The following DPYSL2 variants were observed in gnomAD, a reference collection of about 807,000 sequenced individuals.
The protein encoded by DPYSL2 is dihydropyrimidinase-related protein 2.
A neutral mutation model predicts 69.9 loss-of-function variants in DPYSL2; 13 were observed. The ratio of observed to expected loss-of-function variants is 0.19; its 90% CI spans 0.12 to 0.30. The LOEUF (loss-of-function observed/expected upper bound fraction) is 0.30. Ranked by LOEUF, DPYSL2 falls within the 10% of genes least tolerant of loss-of-function variation. DPYSL2 has a pLI of 1.00. For missense variants in DPYSL2, 587 were observed against 918.9 expected (o/e 0.64, Z 4.67); for synonymous variants, 326 against 359.1 (o/e 0.91, Z 1.04).
In DPYSL2 at chr8:26,517,902, G is replaced by A. The variant is rs973887618; in HGVS notation, c.354+3223G>A. Among the ~76,000 whole-genome samples, 4 of 152,114 alleles carry A rather than the reference G, an allele frequency of 2.6e-5. No homozygotes were observed. The highest frequency in any genetic ancestry group is 2.6e-4 in the Admixed American group (4 of 15,276). On this transcript the variant is annotated intron_variant, in intron 1 of 13. Transcript: ENST00000521913. This position sits in a 1 kb window ranked among gnomAD's most constrained non-coding sequence, Gnocchi z 4.2. The stretch of plus-strand genomic sequence containing the variant: ...CTTCTGCCTGTGTTGAATCTCTTCT[G>A]GCCCTGGGAGCCCAGTGCTGTGCTG...
At chr8:26,515,630 C>G (rs1351645313) in intron 1 of DPYSL2, among the ~76,000 whole-genome samples, 1 of 152,230 alleles carries the variant, frequency 6.6e-6, no homozygotes, top group Non-Finnish European at 1.5e-5. Context: ...GTAATAATCT[C>G]ACACCACAAT....
chr8:26,576,096 C>T (rs548941301), intron 1 of DPYSL2, among the ~76,000 whole-genome samples: 1 of 152,330 alleles, frequency 6.6e-6, no homozygotes, highest in African/African-American at 2.4e-5. Flanking sequence ...TTCAGATGCA[C>T]AGCTAAATTG....
chr8:26,534,291 C>T (rs1800557765), intron 1 of DPYSL2, among the ~76,000 whole-genome samples: 2 of 152,150 alleles, frequency 1.3e-5, no homozygotes, highest in African/African-American at 4.8e-5. Context: ...AGTGATCCTC[C>T]CACCTTGGCC....
At chr8:26,576,479 C>T (rs983290006) in intron 1 of DPYSL2, among the ~76,000 whole-genome samples, 2 of 152,012 alleles carry the variant, frequency 1.3e-5, no homozygotes, top group African/African-American at 4.8e-5. Flanking sequence ...ATTGTACCTG[C>T]CAGGGCAACC....
chr8:26,524,133 A>T lies in DPYSL2; in HGVS notation c.354+9454A>T, dbSNP rs11985336. On this transcript the variant is annotated intron_variant, in intron 1 of 13. Transcript: ENST00000521913. ...GTGGTTATACCATTTGACATTCCCA[A>T]CAACAGTTCCCAAGGTTTCCAGTGT... Among the ~76,000 whole-genome samples, 480 of 152,332 alleles carry T rather than the reference A, an allele frequency of 3.2e-3. 2 individuals carry two copies. The highest frequency in any genetic ancestry group is 0.011 in the African/African-American group (451 of 41,574).
intron 8 of DPYSL2, among the ~76,000 whole-genome samples, chr8:26,635,933 G>C (rs554640548): frequency 2.2e-4 from 33 of 152,160 alleles, no homozygotes; most frequent in Non-Finnish European, 4.4e-4. Flanking sequence ...ATGGATCAAG[G>C]TGGGCTGTGG....
chr8:26,578,563 T>C (rs1801412729), intron 1 of DPYSL2: 1 of 1,366,416 alleles, frequency 7.3e-7, no homozygotes. Flanking sequence ...CTATCTTTTA[T>C]TGTCAGTGAG....
chr8:26,559,545 TA>T (rs1258168659), intron 1 of DPYSL2, among the ~76,000 whole-genome samples: 1 of 152,218 alleles, frequency 6.6e-6, no homozygotes, highest in African/African-American at 2.4e-5. Context: ...TTAGTAAAGT[TA>T]AACATATTTT....
intron 1 of DPYSL2, among the ~76,000 whole-genome samples, chr8:26,546,531 A>T (rs572550352): frequency 1.2e-3 from 180 of 152,312 alleles, no homozygotes; most frequent in Non-Finnish European, 2.1e-3. Context: ...TATACACATA[A>T]TTGTATGTAA....
At chr8:26,569,538 CTT>C (rs1801206452) in intron 1 of DPYSL2, among the ~76,000 whole-genome samples, 1 of 152,144 alleles carries the variant, frequency 6.6e-6, no homozygotes, top group African/African-American at 2.4e-5. Flanking sequence ...TCATTTAACT[CTT>C]GTTTGTTGAG....
chr8:26,644,198 C>T lies in DPYSL2; in HGVS notation c.1425+107C>T. 1 of 1,377,168 alleles carries T rather than the reference C, an allele frequency of 7.3e-7. No homozygotes were observed. The highest frequency in any genetic ancestry group is 9.8e-7 in the Non-Finnish European group (1 of 1,021,796). The allele number at this position is 1,377,168 out of a possible 1,614,324, so 85.3% of individuals were successfully genotyped here. A position where few individuals can be genotyped will look rare whatever the true frequency, so the allele number is the denominator to read the frequency against. ...CCTTGAAATGACAGACAGTGGAGGACATCCTAGAAGCCAGTACTTATATGA... is the reference window on the plus strand; with the variant it reads ...CCTTGAAATGACAGACAGTGGAGGATATCCTAGAAGCCAGTACTTATATGA... On this transcript the variant is annotated intron_variant, in intron 10 of 13. Transcript: ENST00000521913. The surrounding 1 kb of genome is among the most constrained non-coding windows in gnomAD (Gnocchi z 4.5).
chr8:26,590,060 C>T lies in DPYSL2; in HGVS notation c.628+6077C>T, dbSNP rs565293145. The stretch of plus-strand genomic sequence containing the variant: ...CATGTGGGTTGCTCCCTCCTTATGG[C>T]GAGTACACACGTGTGAACGCATGCA... On this transcript the variant is annotated intron_variant, in intron 3 of 13. Transcript: ENST00000521913. Among the ~76,000 whole-genome samples the T allele has an allele frequency of 1.2e-4, 19 of 152,276 alleles. No homozygotes were observed. The South Asian group carries it at 2.5e-3, about 20-fold the overall frequency.
At chr8:26,534,559 C>T (rs759782457) in intron 1 of DPYSL2, among the ~76,000 whole-genome samples, 52 of 152,080 alleles carry the variant, frequency 3.4e-4, no homozygotes, top group Non-Finnish European at 1.3e-4. Flanking sequence ...GGTCAACTTA[C>T]TTATTTTTTC....
chr8:26,543,298 G>A (rs1312928357), intron 1 of DPYSL2, among the ~76,000 whole-genome samples: 1 of 152,186 alleles, frequency 6.6e-6, no homozygotes, highest in Non-Finnish European at 1.5e-5. Flanking sequence ...GTTGGCTACA[G>A]TCAAAATGTA....
At chr8:26,549,200 TTAA>T (rs57336957) in intron 1 of DPYSL2, among the ~76,000 whole-genome samples, 51,177 of 146,290 alleles carry the variant, frequency 0.35, 11,072 homozygotes, top group East Asian at 0.66. Context: ...AAAAATTAAG[TTAA>T]TAATAATAAT....
In DPYSL2 at chr8:26,616,156, A is replaced by T. The variant is rs1414883541; in HGVS notation, c.629-7987A>T. Among the ~76,000 whole-genome samples, 3 of 152,304 alleles carry T rather than the reference A, an allele frequency of 2.0e-5. No homozygotes were observed. In the East Asian group the frequency reaches 5.8e-4, roughly 29 times the overall value. On this transcript the variant is annotated intron_variant, in intron 3 of 13. Transcript: ENST00000521913. Reference sequence around the variant, plus strand: ...ACATGGTGAGGAAGTGGTAGAACTGACCTGGACCCCAGGTATCTGGCTCTG... The same window carrying T: ...ACATGGTGAGGAAGTGGTAGAACTGTCCTGGACCCCAGGTATCTGGCTCTG...
intron 10 of DPYSL2, among the ~76,000 whole-genome samples, chr8:26,646,462 G>T (rs1300297159): frequency 6.6e-6 from 1 of 152,146 alleles, no homozygotes; most frequent in African/African-American, 2.4e-5. Flanking sequence ...TTTGATAGGT[G>T]AATTTTGTGT....
intron 1 of DPYSL2, among the ~76,000 whole-genome samples, chr8:26,566,644 A>G (rs1395501382): frequency 6.6e-6 from 1 of 152,078 alleles, no homozygotes; most frequent in Non-Finnish European, 1.5e-5. Flanking sequence ...GAGAATGGAA[A>G]AGAAGACACC....
rs537921606 is a variant in DPYSL2 at position 26,528,391 on chromosome 8, A to G, written c.354+13712A>G. Among the ~76,000 whole-genome samples the G allele has an allele frequency of 2.6e-5, 4 of 152,288 alleles. No individual in the cohort carries two copies. The South Asian group carries it at 6.2e-4, about 24-fold the overall frequency. The stretch of plus-strand genomic sequence containing the variant: ...GGGCCGGGCGCGGTGGCTCATGCCT[A>G]TAATCCCAGCACTTTTGGAGGCTGA... On this transcript the variant is annotated intron_variant, in intron 1 of 13. Transcript: ENST00000521913.
Sources: gnomAD v4.1 joint callset for allele counts (sites outside exome capture counted in the v4.1 genomes callset) on GRCh38, gnomAD v4.1.1 for gene constraint, Gnocchi (gnomAD v3.1) non-coding constraint, MANE v1.5 for transcripts, NCBI Gene and HGNC (gene_info 2026-07-23, HGNC 2026-07-21) for gene names.